The following N4BP1 variants were observed in gnomAD, a reference collection of about 807,000 sequenced individuals.
N4BP1 encodes NEDD4-binding protein 1.
Under a neutral mutation model 70.9 loss-of-function variants are expected in N4BP1, and 21 were observed. The ratio of observed to expected loss-of-function variants is 0.30; its 90% CI spans 0.21 to 0.43. The LOEUF is 0.43. Among genes scored for constraint, N4BP1 ranks in the 20% least tolerant of loss-of-function variants. N4BP1 has a pLI of 1.00. For missense variants in N4BP1, 936 were observed against 1,069.4 expected, an observed-to-expected ratio of 0.88 and a Z score of 1.74; for synonymous variants, 387 against 394.6, an observed-to-expected ratio of 0.98 and a Z score of 0.23.
At chr16:48,579,676 T>G (rs1235045912) in intron 1 of N4BP1, among the ~76,000 whole-genome samples, 2 of 137,274 alleles carry the variant, frequency 1.5e-5, no homozygotes. Context: ...AAAAGAAAAA[T>G]GACAAAAAAA....
At chr16:48,558,090 A>T (rs994783309) in intron 2 of N4BP1, among the ~76,000 whole-genome samples, 3 of 152,182 alleles carry the variant, frequency 2.0e-5, no homozygotes. Context: ...GTCACTCCAA[A>T]ATAAAACTCT....
In N4BP1 at chr16:48,602,311, AT is replaced by A. The variant is rs1189534810; in HGVS notation, c.198+7463del. On this transcript the variant is annotated intron_variant, in intron 1 of 6. Coordinates refer to ENST00000262384, the MANE Select transcript of N4BP1 (RefSeq NM_153029.4). Reference sequence around the variant, plus strand: ...AGTTTTTTAATTAATTACTGTAAGGATTTCCCCCCTACAATTTTGTTCTTGA... The same window carrying A: ...AGTTTTTTAATTAATTACTGTAAGGATTCCCCCCTACAATTTTGTTCTTGA... Among the ~76,000 whole-genome samples, 4 of 152,320 alleles carry A rather than the reference AT, an allele frequency of 2.6e-5. No individual in the cohort carries two copies. In the East Asian group the frequency reaches 5.8e-4, roughly 22 times the overall value.
Position 48,542,405 on chromosome 16 carries a change from C to CT in N4BP1, c.*498dup, listed in dbSNP as rs1476110633. On this transcript the variant is annotated 3_prime_UTR_variant, in exon 7 of 7. Transcript: ENST00000262384. ...TGCAGAACAAACCAACTCTTACCCA[C>CT]TTTAACTCCGGGGGTGAGGGCAGAG... 6.5e-6 allele frequency: 1 copy of CT among 152,842 alleles called. No individual in the cohort carries two copies. Among genetic ancestry groups the CT allele is most frequent in the East Asian group, 1.9e-4 (1 of 5,202 alleles). 9.5% of individuals were successfully genotyped at this position (152,842 alleles called of 1,614,324 possible).
intron 1 of N4BP1, among the ~76,000 whole-genome samples, chr16:48,586,728 C>A (rs1002048774): frequency 3.3e-5 from 5 of 152,146 alleles, no homozygotes; most frequent in African/African-American, 1.2e-4. Context: ...TTTTTATCAC[C>A]TTATAACAAG....
intron 1 of N4BP1, chr16:48,587,053 C>A (rs3848322): frequency 0.4 from 61,298 of 152,004 alleles, 13,324 homozygotes; most frequent in African/African-American, 0.56. Context: ...ACTGTATAAA[C>A]TGACCATGGT....
chr16:48,572,064 G>T (rs1396331161), intron 1 of N4BP1, among the ~76,000 whole-genome samples: 4 of 152,028 alleles, frequency 2.6e-5, no homozygotes, highest in African/African-American at 9.7e-5. Context: ...GCCAGGCATG[G>T]TGGCATGTGC....
chr16:48,594,400 G>A (rs1328856277), intron 1 of N4BP1, among the ~76,000 whole-genome samples: 3 of 152,168 alleles, frequency 2.0e-5, no homozygotes, highest in Non-Finnish European at 4.4e-5. Flanking sequence ...TGTTGCCCAG[G>A]CTGGAGTGCA....
chr16:48,555,680 T>G (rs1963741530), intron 2 of N4BP1, among the ~76,000 whole-genome samples: 1 of 152,322 alleles, frequency 6.6e-6, no homozygotes, highest in East Asian at 1.9e-4. Flanking sequence ...AAAGGGGGCC[T>G]CTTTTAATCT....
intron 2 of N4BP1, among the ~76,000 whole-genome samples, chr16:48,555,727 T>TA (rs1177171456): frequency 1.3e-5 from 2 of 151,798 alleles, no homozygotes; most frequent in Admixed American, 6.5e-5. Flanking sequence ...TCTAATTGCT[T>TA]AACAGCAGGG....
At chr16:48,545,253 C>T (rs1056181445) in intron 6 of N4BP1, among the ~76,000 whole-genome samples, 8 of 151,688 alleles carry the variant, frequency 5.3e-5, no homozygotes, top group African/African-American at 1.9e-4. Flanking sequence ...GCGTGAGCCA[C>T]CAAACCCGGC....
At chr16:48,591,740 C>T (rs1597110076) in intron 1 of N4BP1, among the ~76,000 whole-genome samples, 1 of 147,758 alleles carries the variant, frequency 6.8e-6, no homozygotes, top group African/African-American at 2.5e-5. Context: ...CTGATGCCCA[C>T]ATGAGAGAAC....
chr16:48,542,870 G>A lies in N4BP1; in HGVS notation c.*34C>T. On this transcript the variant is annotated 3_prime_UTR_variant, in exon 7 of 7. Transcript: ENST00000262384. ...GTGTGAGCTTGAGTTTGATCAGCCA[G>A]CCCTGAGCGCAAGCTCAGCGCTCAG... is the stretch of plus-strand genomic sequence containing the variant. 6.4e-7 allele frequency: 1 copy of A among 1,551,148 alleles called. No individual in the cohort carries two copies. Among genetic ancestry groups the A allele is most frequent in the Non-Finnish European group, 8.8e-7 (1 of 1,137,214 alleles).
chr16:48,604,292 T>C (rs1268930317), intron 1 of N4BP1, among the ~76,000 whole-genome samples: 1 of 152,154 alleles, frequency 6.6e-6, no homozygotes, highest in Admixed American at 6.5e-5. Flanking sequence ...GGCTCATGCC[T>C]GTAATCCTAG....
Position 48,574,459 on chromosome 16 carries a change from C to T in N4BP1, c.199-12015G>A, listed in dbSNP as rs1964064797. ...ATTAGTTTAATTGAATATTATTATGCAAGAATAGCTGCTTGAAAATGTTAA... is the reference window on the plus strand; with the variant it reads ...ATTAGTTTAATTGAATATTATTATGTAAGAATAGCTGCTTGAAAATGTTAA... On this transcript the variant is annotated intron_variant, in intron 1 of 6. Transcript: ENST00000262384. 1.3e-5 allele frequency among the ~76,000 whole-genome samples: 2 copies of T among 152,150 alleles called. 1 individual carries two copies. Among genetic ancestry groups the T allele is most frequent in the Admixed American group, 1.3e-4 (2 of 15,278 alleles).
intron 2 of N4BP1, 87 bp downstream of exon 2, chr16:48,560,667 G>GTA: frequency 6.9e-7 from 1 of 1,444,030 alleles, no homozygotes. Flanking sequence ...TATACAACAT[G>GTA]TATGTATAGT....
chr16:48,606,621 C>T (rs1004269627), intron 1 of N4BP1, among the ~76,000 whole-genome samples: 4 of 152,220 alleles, frequency 2.6e-5, no homozygotes, highest in Non-Finnish European at 5.9e-5. Flanking sequence ...GAGTCAGTGC[C>T]TGTTTTTCAA....
In N4BP1 at chr16:48,601,858, C is replaced by T. The variant is rs146585188; in HGVS notation, c.198+7917G>A. On this transcript the variant is annotated intron_variant, in intron 1 of 6. Coordinates refer to ENST00000262384, the MANE Select transcript of N4BP1 (RefSeq NM_153029.4). The stretch of plus-strand genomic sequence containing the variant: ...CCTAAGTAGCTAGGACTACGGGGCA[C>T]ATGCCACCACGCCCAGCTAAATTCA... Among the ~76,000 whole-genome samples the T allele has an allele frequency of 1.4e-3, 206 of 152,288 alleles. 2 individuals are homozygous for T. Among genetic ancestry groups the T allele is most frequent in the South Asian group, 8.3e-3 (40 of 4,822 alleles).
chr16:48,607,978 CA>C (rs1964609387), intron 1 of N4BP1, among the ~76,000 whole-genome samples: 1 of 152,222 alleles, frequency 6.6e-6, no homozygotes, highest in Non-Finnish European at 1.5e-5. Flanking sequence ...TATCCTGCCT[CA>C]GCCTCCCGAG....
chr16:48,563,242 C>G (rs1037146410), intron 1 of N4BP1, among the ~76,000 whole-genome samples: 2 of 151,942 alleles, frequency 1.3e-5, no homozygotes, highest in African/African-American at 4.8e-5. Flanking sequence ...ATAGTTCCAG[C>G]TACTTGGGAG....
Sources: gnomAD v4.1 joint callset for allele counts (sites outside exome capture counted in the v4.1 genomes callset) on GRCh38, gnomAD v4.1.1 for gene constraint, MANE v1.5 for transcripts, NCBI Gene and HGNC (gene_info 2026-07-23, HGNC 2026-07-21) for gene names.